RHBDL2: variants seen among roughly 807,000 people sequenced by gnomAD.
The protein encoded by RHBDL2 is rhomboid-related protein 2.
In RHBDL2, 26 loss-of-function variants were observed where a neutral mutation model predicts 31.7. That is an observed-to-expected ratio of 0.82 (90% CI 0.60 to 1.14). RHBDL2 has a LOEUF of 1.14. RHBDL2 is among the 50% of genes most tolerant of loss of function. RHBDL2 has a pLI of 0.00. For missense variants in RHBDL2, 336 were observed against 364.4 expected (o/e 0.92, Z 0.63); for synonymous variants, 123 against 127.2 (o/e 0.97, Z 0.22).
intron 2 of RHBDL2, among the ~76,000 whole-genome samples, chr1:38,917,629 T>A (rs1212136778): frequency 6.6e-6 from 1 of 152,100 alleles, no homozygotes; most frequent in East Asian, 1.9e-4. Flanking sequence ...CAGATACAGA[T>A]GTCTCAGATC....
chr1:38,904,119 C>T (rs569232254), intron 4 of RHBDL2, among the ~76,000 whole-genome samples: 1 of 152,232 alleles, frequency 6.6e-6, no homozygotes, highest in Admixed American at 6.5e-5. Flanking sequence ...AATAAAACTT[C>T]TAGGAGAAAA....
At chr1:38,888,174 A>G (rs1019967181) in intron 6 of RHBDL2, 150 bp from the exon 7 acceptor site, 5 of 595,312 alleles carry the variant, frequency 8.4e-6, no homozygotes, top group African/African-American at 1.9e-5. Context: ...CTTTTAACTC[A>G]TTAATCTTCA....
intron 4 of RHBDL2, among the ~76,000 whole-genome samples, chr1:38,901,156 T>C (rs1381205865): frequency 6.6e-6 from 1 of 150,958 alleles, no homozygotes; most frequent in Non-Finnish European, 1.5e-5. Context: ...ATGTGTAGCA[T>C]CCAATCAAAA....
At chr1:38,900,604 GAGTT>G in intron 4 of RHBDL2, among the ~76,000 whole-genome samples, 1 of 151,878 alleles carries the variant, frequency 6.6e-6, no homozygotes, top group South Asian at 2.1e-4. Flanking sequence ...TGGGCGACAA[GAGTT>G]AGACTCTGTC....
At chr1:38,916,762 T>G (rs1416872354) in intron 2 of RHBDL2, among the ~76,000 whole-genome samples, 1 of 150,290 alleles carries the variant, frequency 6.7e-6, no homozygotes, top group Non-Finnish European at 1.5e-5. Flanking sequence ...TCCCAGCTAC[T>G]TGGGAGGCTG....
intron 4 of RHBDL2, 69 bp downstream of exon 4, chr1:38,911,253 G>A: frequency 9.9e-7 from 1 of 1,005,852 alleles, no homozygotes; most frequent in Non-Finnish European, 1.6e-6. Context: ...TACTATAAGT[G>A]TGTATTTCAT....
At position 38,920,653 on chromosome 1, in the gene RHBDL2, C is replaced by T. The variant is rs182440522; in HGVS notation, c.-125-1316G>A. On this transcript the variant is annotated intron_variant, in intron 1 of 7. Transcript: ENST00000372990. ...ACAGAGTCTCGCTCTGTCGCCCAGG[C>T]TGGAGAGCAGTGGTGTGATCTCGGC... is the stretch of plus-strand genomic sequence containing the variant. Among the ~76,000 whole-genome samples the T allele has an allele frequency of 4.7e-3, 689 of 147,840 alleles. 5 individuals are homozygous for T. The highest frequency in any genetic ancestry group is 0.016 in the African/African-American group (628 of 40,080).
chr1:38,928,033 G>T (rs886454851), intron 1 of RHBDL2, among the ~76,000 whole-genome samples: 2 of 151,862 alleles, frequency 1.3e-5, no homozygotes, highest in Non-Finnish European at 2.9e-5. Context: ...ACTGTGATGG[G>T]ATTAGAGTTA....
At chr1:38,912,883 C>CATAT (rs141150431) in intron 3 of RHBDL2, among the ~76,000 whole-genome samples, 1,120 of 106,264 alleles carry the variant, frequency 0.011, 6 homozygotes, top group African/African-American at 0.013. Context: ...TACCATATAC[C>CATAT]ATATATATAT....
At chr1:38,930,675 C>T (rs193015141) in intron 1 of RHBDL2, among the ~76,000 whole-genome samples, 43 of 152,254 alleles carry the variant, frequency 2.8e-4, no homozygotes, top group African/African-American at 9.9e-4. Flanking sequence ...AGTTAACAGA[C>T]CTAGCACACC....
At chr1:38,887,614 G>A (rs1156305563) in intron 7 of RHBDL2, among the ~76,000 whole-genome samples, 3 of 151,916 alleles carry the variant, frequency 2.0e-5, no homozygotes, top group East Asian at 1.9e-4. Context: ...TAGTAGAGAC[G>A]GGGTTTCATC....
chr1:38,914,961 G>T (rs376813794), intron 3 of RHBDL2, among the ~76,000 whole-genome samples: 1 of 148,568 alleles, frequency 6.7e-6, no homozygotes, highest in African/African-American at 2.5e-5. Flanking sequence ...CCCAGGAGGC[G>T]GAGGTTGCAG....
At chr1:38,916,350 T>A (rs1448710801) in intron 2 of RHBDL2, among the ~76,000 whole-genome samples, 1 of 151,914 alleles carries the variant, frequency 6.6e-6, no homozygotes, top group Non-Finnish European at 1.5e-5. Flanking sequence ...CCCTAGCCAG[T>A]CCCCCTCAAG....
intron 1 of RHBDL2, among the ~76,000 whole-genome samples, chr1:38,920,250 C>T (rs1040454791): frequency 9.6e-5 from 14 of 146,242 alleles, no homozygotes; most frequent in African/African-American, 3.6e-4. Context: ...TCACTGGAAC[C>T]TCTGCCTCCC....
chr1:38,891,487 G>A (rs1004754652), intron 6 of RHBDL2, among the ~76,000 whole-genome samples: 3 of 152,104 alleles, frequency 2.0e-5, no homozygotes, highest in Admixed American at 6.6e-5. Context: ...CGTATCTCAG[G>A]TGACAACAAT....
In RHBDL2 at chr1:38,886,344, T is replaced by G; in HGVS notation, c.*160A>C. The stretch of plus-strand genomic sequence containing the variant: ...CCTTCCTTAAATCCTAAGGTCCTTT[T>G]ATAGGCAATCTTTGCAACTGATGAG... On this transcript the variant is annotated 3_prime_UTR_variant, in exon 8 of 8. Transcript: ENST00000372990. 2.3e-6 allele frequency: 1 copy of G among 433,694 alleles called. No individual in the cohort carries two copies. The highest frequency in any genetic ancestry group is 3.9e-6 in the Non-Finnish European group (1 of 253,686). 26.9% of individuals were successfully genotyped at this position (433,694 alleles called of 1,614,324 possible). A position where few individuals can be genotyped will look rare whatever the true frequency, so the allele number is the denominator to read the frequency against.
At chr1:38,924,108 T>TTTA (rs1245838719) in intron 1 of RHBDL2, among the ~76,000 whole-genome samples, 4 of 151,946 alleles carry the variant, frequency 2.6e-5, no homozygotes, top group Non-Finnish European at 5.9e-5. Context: ...GTTTTTAAAC[T>TTTA]TTATTATTAT....
At chr1:38,932,229 A>AT (rs1343701033) in intron 1 of RHBDL2, among the ~76,000 whole-genome samples, 1 of 149,736 alleles carries the variant, frequency 6.7e-6, no homozygotes, top group African/African-American at 2.5e-5. Context: ...AGGTTGCCTG[A>AT]TTTAAAAAAA....
chr1:38,885,919 G>C lies in RHBDL2; in HGVS notation c.*585C>G, dbSNP rs1642776485. 1 of 152,518 alleles carries C rather than the reference G, an allele frequency of 6.6e-6. No homozygotes were observed. The highest frequency in any genetic ancestry group is 1.5e-5 in the Non-Finnish European group (1 of 68,042). The allele number at this position is 152,518 out of a possible 1,614,324, so 9.4% of individuals were successfully genotyped here. ...AAGTCTGTTTTATAGAATACCATAT[G>C]CCTGGGAAAGACCCAATCTCTAATT... is the stretch of plus-strand genomic sequence containing the variant. On this transcript the variant is annotated 3_prime_UTR_variant, in exon 8 of 8. Coordinates refer to ENST00000372990, the MANE Select transcript of RHBDL2 (RefSeq NM_017821.5).
Sources: allele counts gnomAD v4.1 joint callset (sites outside exome capture counted in the v4.1 genomes callset), GRCh38; gene constraint gnomAD v4.1.1; transcripts MANE v1.5; gene names NCBI Gene and HGNC (gene_info 2026-07-23, HGNC 2026-07-21).